RHPN1: variants seen among roughly 807,000 people sequenced by gnomAD.
RHPN1 encodes rhophilin Rho GTPase binding protein 1, also known as rhophilin-1.
Under a neutral mutation model 74.7 loss-of-function variants are expected in RHPN1, and 77 were observed. The observed-to-expected ratio is 1.03, with a 90% confidence interval of 0.86 to 1.25. The LOEUF (loss-of-function observed/expected upper bound fraction) is 1.25, where lower values mean the gene tolerates loss of function less well. Ranked by LOEUF, RHPN1 falls within the 50% of genes most tolerant of loss-of-function variation. The probability of loss-of-function intolerance (pLI) is 0.00; values close to 1 mark genes in which losing one functional copy is unlikely to be tolerated. For synonymous variants in RHPN1, 444 were observed against 414.5 expected, an observed-to-expected ratio of 1.07 and a Z score of -0.87; for missense variants, 987 against 932.2, an observed-to-expected ratio of 1.06 and a Z score of -0.77.
At chr8:143,364,609 ACT>A (rs754675685), upstream of RHPN1, among the ~76,000 whole-genome samples, 6 of 149,452 alleles carry the variant, frequency 4.0e-5, no homozygotes, top group Non-Finnish European at 7.4e-5. This position sits in a 1 kb window ranked among gnomAD's most constrained non-coding sequence, Gnocchi z 4.5. Context: ...TTTTTTAACA[ACT>A]CTTATTTTCA....
chr8:143,374,957 G>A (rs368905586), intron 1 of RHPN1, among the ~76,000 whole-genome samples: 54 of 152,314 alleles, frequency 3.5e-4, no homozygotes, highest in African/African-American at 1.3e-3. Context: ...GATAGGGAGG[G>A]CACGGGTGTG....
chr8:143,376,699 G>A (rs1278347004), intron 3 of RHPN1, 46 bp downstream of exon 3: 38 of 1,532,552 alleles, frequency 2.5e-5, no homozygotes, highest in East Asian at 4.9e-5. Context: ...GTGTGTGCAC[G>A]TGTGCGTGTG....
chr8:143,377,269 C>T (rs1218429584), intron 3 of RHPN1, 111 bp from the exon 4 acceptor site: 2 of 783,388 alleles, frequency 2.6e-6, no homozygotes, highest in Admixed American at 2.3e-5. Flanking sequence ...CACGTGCACA[C>T]CCATGAGGGA....
upstream of RHPN1, chr8:143,367,804 G>C (rs1817591505): frequency 6.6e-6 from 1 of 152,398 alleles, no homozygotes; most frequent in African/African-American, 2.4e-5. Flanking sequence ...GTTACCGCCT[G>C]TGCCCTGGCC....
chr8:143,382,008 C>T, intron 14 of RHPN1, 40 bp downstream of exon 14: 1 of 1,524,348 alleles, frequency 6.6e-7, no homozygotes, highest in Non-Finnish European at 8.8e-7. Flanking sequence ...CCCCAGCTTG[C>T]TGTCACCACC....
chr8:143,374,183 A>C (rs1275303111), intron 1 of RHPN1: 3 of 985,470 alleles, frequency 3.0e-6, no homozygotes, highest in Middle Eastern at 5.2e-4. Flanking sequence ...TTTACGGGGA[A>C]GACGGGAAGG....
chr8:143,364,607 C>G (rs1176159703), upstream of RHPN1, among the ~76,000 whole-genome samples: 6 of 150,192 alleles, frequency 4.0e-5, no homozygotes, highest in Non-Finnish European at 7.4e-5. The surrounding 1 kb of genome is among the most constrained non-coding windows in gnomAD (Gnocchi z 4.5). Flanking sequence ...TTTTTTTTAA[C>G]AACTCTTATT....
Position 143,377,377 on chromosome 8 carries a change from C to T in RHPN1, c.306-3C>T, listed in dbSNP as rs75051545. On this transcript the variant is annotated splice_polypyrimidine_tract_variant and splice_region_variant and intron_variant, in intron 3 of 14. Transcript: ENST00000289013. ...AGTCTGAAGTCGATGCTTCTGGTTA[C>T]AGCGAAGCTGTCACTGTCCCCATGA... 11,868 of 1,612,334 alleles carry T rather than the reference C, an allele frequency of 7.4e-3. 669 individuals carry two copies. In the African/African-American group the frequency reaches 0.14, roughly 18 times the overall value.
Position 143,383,499 on chromosome 8 carries a change from A to G in RHPN1, c.*848A>G, listed in dbSNP as rs1426859158. 1 of 152,326 alleles carries G rather than the reference A, an allele frequency of 6.6e-6. No individual in the cohort carries two copies. The highest frequency in any genetic ancestry group is 1.5e-5 in the Non-Finnish European group (1 of 68,144). 9.4% of individuals were successfully genotyped at this position (152,326 alleles called of 1,614,324 possible). ...GTCAGTGTCTCAAGCAGGGGAAGTG[A>G]GGGCTGCCTCCAGGCCTCCGTGTAC... On this transcript the variant is annotated 3_prime_UTR_variant, in exon 15 of 15. Transcript: ENST00000289013.
In RHPN1 at chr8:143,381,729, C is replaced by T. The variant is rs114318185; in HGVS notation, c.1635+11C>T. On this transcript the variant is annotated intron_variant, in intron 13 of 14. Coordinates refer to ENST00000289013, the MANE Select transcript of RHPN1 (RefSeq NM_052924.3). Reference sequence around the variant, plus strand: ...GGGAGCCAGGCCGCGGTAAGGGCCCCGCCGGCCCCCTGAGGCTGAGTCCTT... The same window carrying T: ...GGGAGCCAGGCCGCGGTAAGGGCCCTGCCGGCCCCCTGAGGCTGAGTCCTT... 2,141 of 1,607,220 alleles carry T rather than the reference C, an allele frequency of 1.3e-3. 15 individuals carry two copies. In the African/African-American group the frequency reaches 0.02, roughly 15 times the overall value.
chr8:143,376,468 A>C (rs899660728), intron 2 of RHPN1, 57 bp from the exon 3 acceptor site: 3 of 1,597,254 alleles, frequency 1.9e-6, no homozygotes, highest in Non-Finnish European at 2.6e-6. Context: ...TGCAGTGGGC[A>C]CGGGGCCTTT....
upstream of RHPN1, among the ~76,000 whole-genome samples, chr8:143,364,306 A>G (rs532541470): frequency 1.3e-5 from 2 of 152,262 alleles, no homozygotes; most frequent in South Asian, 4.1e-4. The surrounding 1 kb of genome is among the most constrained non-coding windows in gnomAD (Gnocchi z 4.5). Flanking sequence ...AGTTCTCCAG[A>G]AGCCAGCAGG....
At position 143,382,733 on chromosome 8, in the gene RHPN1, C is replaced by T. The variant is rs772561506; in HGVS notation, c.*82C>T. 3.5e-5 allele frequency: 42 copies of T among 1,189,966 alleles called. No individual in the cohort carries two copies. The highest frequency in any genetic ancestry group is 7.5e-5 in the African/African-American group (5 of 66,244). The allele number at this position is 1,189,966 out of a possible 1,614,324, so 73.7% of individuals were successfully genotyped here. On this transcript the variant is annotated 3_prime_UTR_variant, in exon 15 of 15. Coordinates refer to ENST00000289013, the MANE Select transcript of RHPN1 (RefSeq NM_052924.3). ...ATGCCCTCCCCACCCAGAGGACCTC[C>T]GGGCAATGCCTGTCCCGCCTCATGC...
intron 3 of RHPN1, among the ~76,000 whole-genome samples, chr8:143,377,158 G>A (rs534830349): frequency 1.1e-4 from 16 of 152,210 alleles, no homozygotes; most frequent in South Asian, 6.2e-4. Context: ...GTGTGTGCGC[G>A]CGCATGTGTG....
chr8:143,369,134 C>A, intron 1 of RHPN1, 87 bp downstream of exon 1: 1 of 1,055,940 alleles, frequency 9.5e-7, no homozygotes, highest in East Asian at 3.2e-5. Context: ...CCGGGCGCCC[C>A]CCTCCTACGT....
Position 143,379,028 on chromosome 8 carries a change from C to G in RHPN1, c.701C>G (p.Ser234Cys). 1 of 1,546,776 alleles carries G rather than the reference C, an allele frequency of 6.5e-7. No individual in the cohort carries two copies. The highest frequency in any genetic ancestry group is 8.7e-7 in the Non-Finnish European group (1 of 1,145,530). The change falls in exon 7 of 15, where the codon TCC becomes TGC. Residue 234 changes from serine (S) to cysteine (C), a missense_variant. By Grantham distance (112) the Ser-to-Cys change is moderately radical. Transcript: ENST00000289013. ...CAGATTGGGGCGCGCCAGGACCGCT[C>G]CTGCACCGAGGGTGCCCGCCGCGCT... Reference protein sequence around the residue: ...HTQIGARQDRSCTEGARRAME... With the variant: ...HTQIGARQDRCCTEGARRAME...
chr8:143,365,406 C>A (rs961692006), upstream of RHPN1, among the ~76,000 whole-genome samples: 10 of 152,270 alleles, frequency 6.6e-5, no homozygotes, highest in South Asian at 1.9e-3. Context: ...TCTATCTAGA[C>A]CCCCTCCTCC....
chr8:143,376,637 C>T lies in RHPN1; in HGVS notation c.289C>T (p.Pro97Ser). Residue 97 changes from proline to serine, a missense_variant, in exon 3 of 15, where the codon CCT (proline) becomes TCT (serine). Pro to Ser is a moderately conservative substitution (Grantham distance 74). Coordinates refer to ENST00000289013, the MANE Select transcript of RHPN1 (RefSeq NM_052924.3). ...ELEELSGGVDPGRHGSEAVTV... is the reference protein window; with the variant it reads ...ELEELSGGVDSGRHGSEAVTV... ...GGAGGAGCTCAGCGGTGGCGTGGAC[C>T]CTGGCCGGCATGGGAGGTGCGGGTG... The T allele has an allele frequency of 6.4e-7, 1 of 1,573,736 alleles. No homozygotes were observed.
Position 143,376,686 on chromosome 8 carries a change from T to A in RHPN1, c.305+33T>A, listed in dbSNP as rs7462882. The A allele has an allele frequency of 1.9e-6, 3 of 1,546,040 alleles. No individual in the cohort carries two copies. The African/African-American group carries it at 4.1e-5, about 21-fold the overall frequency. ...TGGGGGCCGGGACAGCACGTGCGTG[T>A]ATGTGTGTGCACGTGTGCGTGTGTG... On this transcript the variant is annotated intron_variant, in intron 3 of 14. Transcript: ENST00000289013.
Sources: allele counts gnomAD v4.1 joint callset (sites outside exome capture counted in the v4.1 genomes callset), GRCh38; gene constraint gnomAD v4.1.1; non-coding constraint Gnocchi (gnomAD v3.1); transcripts MANE v1.5; gene names NCBI Gene and HGNC (gene_info 2026-07-23, HGNC 2026-07-21).